The following SMC3 variants were observed in gnomAD, a reference collection of about 807,000 sequenced individuals.
SMC3 encodes the protein structural maintenance of chromosomes protein 3.
Under a neutral mutation model 171.8 loss-of-function variants are expected in SMC3, and 20 were observed. The ratio of observed to expected loss-of-function variants is 0.12; its 90% CI spans 0.08 to 0.17. SMC3 has a LOEUF of 0.17. Among genes scored for constraint, SMC3 ranks in the 10% least tolerant of loss-of-function variants. SMC3 has a pLI of 1.00. For missense variants in SMC3, 543 were observed against 1,420.4 expected (o/e 0.38, Z 9.93); for synonymous variants, 464 against 451.1 (o/e 1.03, Z -0.36).
rs1590560750 is a variant in SMC3, at chr10:110,589,133, TAA to T, written c.1306-471_1306-470del. Among the ~76,000 whole-genome samples the T allele has an allele frequency of 1.1e-4, 17 of 152,304 alleles. No individual in the cohort carries two copies. The East Asian group carries it at 3.3e-3, about 29-fold the overall frequency. ...GGCCGGGCGCAGTGTCTCACGCCTG[TAA>T]TCTCAGCACTTTGGGAGGCCGAGAC... On this transcript the variant is annotated intron_variant, in intron 13 of 28. Transcript: ENST00000361804.
Position 110,605,877 on chromosome 10 carries a change from T to C in SMC3, c.*1575T>C, listed in dbSNP as rs867836457. Among the ~76,000 whole-genome samples the C allele has an allele frequency of 5.9e-5, 9 of 152,210 alleles. No individual in the cohort carries two copies. The South Asian group carries it at 1.2e-3, about 21-fold the overall frequency. ...TTGCTCTGATATGACCAACCCCTTA[T>C]AATACAGAATTTGGTGTAAGGTAAG... On this transcript the variant is annotated 3_prime_UTR_variant, in exon 29 of 29. Transcript: ENST00000361804.
intron 10 of SMC3, among the ~76,000 whole-genome samples, chr10:110,583,172 A>G (rs1861058060): frequency 6.6e-6 from 1 of 152,168 alleles, no homozygotes; most frequent in Admixed American, 6.6e-5. Context: ...GTTTACAGGC[A>G]TGAGCAACCA....
At chr10:110,592,332 C>T (rs973777902) in intron 17 of SMC3, among the ~76,000 whole-genome samples, 4 of 151,778 alleles carry the variant, frequency 2.6e-5, no homozygotes, top group Admixed American at 6.6e-5. Flanking sequence ...TGGCAGTGGT[C>T]GTTTCTCGCA....
intron 2 of SMC3, among the ~76,000 whole-genome samples, chr10:110,571,731 A>G (rs1317608044): frequency 6.6e-6 from 1 of 152,164 alleles, no homozygotes; most frequent in East Asian, 1.9e-4. Context: ...TGTTTACCTC[A>G]GTACGTTTTT....
chr10:110,569,041 A>G (rs772374462), intron 2 of SMC3, 28 bp downstream of exon 2: 1 of 1,342,842 alleles, frequency 7.4e-7, no homozygotes, highest in Non-Finnish European at 1.1e-6. Flanking sequence ...ACTCGGTCAT[A>G]TTTATAGTCT....
intron 12 of SMC3, 70 bp from the exon 13 acceptor site, chr10:110,584,113 G>A (rs1861072052): frequency 1.3e-6 from 2 of 1,518,294 alleles, no homozygotes; most frequent in African/African-American, 1.4e-5. Context: ...GTGTGCAGTT[G>A]ACATTATTGG....
At chr10:110,568,891 A>G (rs1016145514) in intron 1 of SMC3, 47 bp from the exon 2 acceptor site, 1 of 1,084,268 alleles carries the variant, frequency 9.2e-7, no homozygotes, top group Non-Finnish European at 1.4e-6. Context: ...GAAAAATGTT[A>G]ATTTTTTTTG....
chr10:110,599,822 C>G lies in SMC3; in HGVS notation c.2427+10C>G, dbSNP rs759235379. On this transcript the variant is annotated intron_variant, in intron 21 of 28. Coordinates refer to ENST00000361804, the MANE Select transcript of SMC3 (RefSeq NM_005445.4). ...TCGTCAACTTCAGCAGGTAAGTAGACAGCTGACTGGAAAAAGAATTCGTTA... is the reference window on the plus strand; with the variant it reads ...TCGTCAACTTCAGCAGGTAAGTAGAGAGCTGACTGGAAAAAGAATTCGTTA... 63 of 1,613,524 alleles carry G rather than the reference C, an allele frequency of 3.9e-5. No homozygotes were observed. Among genetic ancestry groups the G allele is most frequent in the Admixed American group, 2.0e-4 (12 of 60,008 alleles).
intron 2 of SMC3, among the ~76,000 whole-genome samples, chr10:110,571,241 T>C (rs1373799221): frequency 6.6e-6 from 1 of 152,228 alleles, no homozygotes; most frequent in East Asian, 1.9e-4. Context: ...AGTCCTGGTT[T>C]CCTAGAAAAC....
At chr10:110,583,360 T>A (rs751702441) in intron 10 of SMC3, 24 bp from the exon 11 acceptor site, 78 of 1,598,904 alleles carry the variant, frequency 4.9e-5, no homozygotes, top group Non-Finnish European at 3.4e-6. Context: ...ATTGCCTTAT[T>A]TTCTGTTTAA....
chr10:110,568,921 T>G lies in SMC3; in HGVS notation c.16-17T>G, dbSNP rs761421845. ...TTTTTGTGGGGTGGGTTCTCAAAAATGTTTTTTATTTACTAGGTGATTATC... is the reference window on the plus strand; with the variant it reads ...TTTTTGTGGGGTGGGTTCTCAAAAAGGTTTTTTATTTACTAGGTGATTATC... On this transcript the variant is annotated splice_polypyrimidine_tract_variant and intron_variant, in intron 1 of 28. Transcript: ENST00000361804. 1.3e-6 allele frequency: 2 copies of G among 1,505,080 alleles called. No homozygotes were observed. The highest frequency in any genetic ancestry group is 2.3e-5 in the South Asian group (2 of 88,734). The allele number at this position is 1,505,080 out of a possible 1,614,324, so 93.2% of individuals were successfully genotyped here.
In SMC3 at chr10:110,583,276, T is replaced by C. The variant is rs373591731; in HGVS notation, c.805-108T>C. On this transcript the variant is annotated intron_variant, in intron 10 of 28. Coordinates refer to ENST00000361804, the MANE Select transcript of SMC3 (RefSeq NM_005445.4). Reference sequence around the variant, plus strand: ...AGGGAGAGTTAGAGGAATTGAATATTGAAAGGACAGAGTATTACTAAACAT... The same window carrying C: ...AGGGAGAGTTAGAGGAATTGAATATCGAAAGGACAGAGTATTACTAAACAT... 4,477 of 895,892 alleles carry C rather than the reference T, an allele frequency of 5.0e-3. 27 individuals carry two copies. The highest frequency in any genetic ancestry group is 1.0e-2 in the South Asian group (691 of 69,308). 55.5% of individuals were successfully genotyped at this position (895,892 alleles called of 1,614,324 possible).
intron 20 of SMC3, among the ~76,000 whole-genome samples, 155 bp from the exon 21 acceptor site, chr10:110,599,499 G>A (rs1192718051): frequency 6.6e-6 from 1 of 152,092 alleles, no homozygotes; most frequent in Non-Finnish European, 1.5e-5. Flanking sequence ...TATTTTTCTT[G>A]TTGCTAGAGT....
chr10:110,593,090 C>T lies in SMC3; in HGVS notation c.1830C>T (p.Ile610=). Residue 610 remains isoleucine, a synonymous_variant, in exon 18 of 29, where the codon ATC becomes ATT. Transcript: ENST00000361804. ...YPETNDAIPM[I]SKLRYNPRFD... ...ATTTTTAGGATGCTATTCCTATGAT[C>T]AGCAAACTGAGGTACAATCCCAGAT... The T allele has an allele frequency of 6.2e-7, 1 of 1,613,782 alleles. No homozygotes were observed. The highest frequency in any genetic ancestry group is 8.5e-7 in the Non-Finnish European group (1 of 1,179,668).
intron 20 of SMC3, 147 bp downstream of exon 20, chr10:110,598,437 T>G (rs773548537): frequency 4.0e-5 from 33 of 818,474 alleles, no homozygotes; most frequent in Non-Finnish European, 5.9e-5. Flanking sequence ...CAGAGTCTCT[T>G]TCTGTCTCAC....
chr10:110,580,876 G>A (rs1404281666), intron 7 of SMC3, 28 bp from the exon 8 acceptor site: 1 of 1,185,526 alleles, frequency 8.4e-7, no homozygotes, highest in Admixed American at 1.7e-5. Flanking sequence ...CTACAGCTAT[G>A]TAATGATTAT....
chr10:110,587,419 C>G (rs768980869), intron 13 of SMC3, among the ~76,000 whole-genome samples: 4 of 152,156 alleles, frequency 2.6e-5, no homozygotes, highest in Non-Finnish European at 5.9e-5. Context: ...CAGTGGCTTA[C>G]GCCTGTAATC....
chr10:110,598,083 T>C, intron 19 of SMC3, 56 bp from the exon 20 acceptor site: 1 of 1,515,144 alleles, frequency 6.6e-7, no homozygotes, highest in Admixed American at 1.7e-5. Context: ...CTAAAAAGAA[T>C]TAAGAACATA....
rs1001588882 is a variant in SMC3 at position 110,605,846 on chromosome 10, G to A, written c.*1544G>A. 1.3e-5 allele frequency among the ~76,000 whole-genome samples: 2 copies of A among 152,086 alleles called. No individual in the cohort carries two copies. The highest frequency in any genetic ancestry group is 2.9e-5 in the Non-Finnish European group (2 of 68,002). ...ATGCTTGGTGTATAGTTTACGATTTGTAGAGTTGCTCTGATATGACCAACC... is the reference window on the plus strand; with the variant it reads ...ATGCTTGGTGTATAGTTTACGATTTATAGAGTTGCTCTGATATGACCAACC... On this transcript the variant is annotated 3_prime_UTR_variant, in exon 29 of 29. Transcript: ENST00000361804.
Sources: gnomAD v4.1 joint callset for allele counts (sites outside exome capture counted in the v4.1 genomes callset) on GRCh38, gnomAD v4.1.1 for gene constraint, MANE v1.5 for transcripts, NCBI Gene and HGNC (gene_info 2026-07-23, HGNC 2026-07-21) for gene names.